TENM4: variants seen among roughly 807,000 people sequenced by gnomAD.
TENM4 encodes teneurin transmembrane protein 4, also known as teneurin-4.
In TENM4, 82 loss-of-function variants were observed where a neutral mutation model predicts 243.3. The observed-to-expected ratio is 0.34, with a 90% CI of 0.28 to 0.40. The LOEUF is 0.40. Ranked by LOEUF, TENM4 falls within the 10% of genes least tolerant of loss-of-function variation. The pLI is 1.00. For missense variants in TENM4, 3,138 were observed against 3,673.3 expected, an observed-to-expected ratio of 0.85 and a Z score of 3.77; for synonymous variants, 1,412 against 1,456.3, an observed-to-expected ratio of 0.97 and a Z score of 0.69.
At position 78,956,160 on chromosome 11, in the gene TENM4, G is replaced by T. The variant is rs141711345; in HGVS notation, c.494-52637C>A. 1.5e-3 allele frequency among the ~76,000 whole-genome samples: 234 copies of T among 151,954 alleles called. 1 individual carries two copies. Among genetic ancestry groups the T allele is most frequent in the African/African-American group, 5.3e-3 (220 of 41,442 alleles). On this transcript the variant is annotated intron_variant, in intron 6 of 33. Coordinates refer to ENST00000278550, the MANE Select transcript of TENM4 (RefSeq NM_001098816.3). ...AATCAGCACTTTTTTTTTCAATTTT[G>T]ATTTTAGCACATACACATACACAGG...
intron 3 of TENM4, among the ~76,000 whole-genome samples, chr11:79,176,299 C>T (rs1863157983): frequency 1.3e-5 from 2 of 152,122 alleles, no homozygotes; most frequent in South Asian, 4.1e-4. Context: ...GGTCCTTGGG[C>T]CATCTTCTAC....
At chr11:79,240,019 C>T (rs1363208132) in intron 2 of TENM4, among the ~76,000 whole-genome samples, 3 of 152,164 alleles carry the variant, frequency 2.0e-5, no homozygotes, top group South Asian at 2.1e-4. Flanking sequence ...GCAAGGTACT[C>T]GTCACAGAAA....
At chr11:79,223,750 C>T (rs1183683119) in intron 2 of TENM4, among the ~76,000 whole-genome samples, 1 of 152,158 alleles carries the variant, frequency 6.6e-6, no homozygotes, top group Non-Finnish European at 1.5e-5. Flanking sequence ...CCCTGTAGTG[C>T]TTATCCACTA....
chr11:79,261,927 T>C (rs1041129299), intron 2 of TENM4, among the ~76,000 whole-genome samples: 2 of 152,174 alleles, frequency 1.3e-5, no homozygotes. Flanking sequence ...ATATGCATGG[T>C]CCATGGGGAT....
chr11:78,972,855 C>T (rs978406095), intron 6 of TENM4, among the ~76,000 whole-genome samples: 1 of 152,178 alleles, frequency 6.6e-6, no homozygotes, highest in African/African-American at 2.4e-5. Flanking sequence ...TCCCTGCAGC[C>T]TAGGCAATCA....
At chr11:78,743,904 G>T (rs1388395745) in intron 19 of TENM4, among the ~76,000 whole-genome samples, 1 of 152,154 alleles carries the variant, frequency 6.6e-6, no homozygotes, top group Non-Finnish European at 1.5e-5. Context: ...TGGGATCTAG[G>T]TGGCAAATGA....
chr11:79,216,732 C>A (rs541523605), intron 2 of TENM4, among the ~76,000 whole-genome samples: 2 of 152,316 alleles, frequency 1.3e-5, no homozygotes, highest in East Asian at 3.9e-4. Context: ...CAGCAGGAGG[C>A]CTTTACCAGA....
intron 3 of TENM4, chr11:79,193,291 G>A (rs1231198463): frequency 6.6e-6 from 1 of 152,202 alleles, no homozygotes; most frequent in East Asian, 1.9e-4. Context: ...TAGTGAGGTG[G>A]GCAGGGCAGC....
intron 6 of TENM4, among the ~76,000 whole-genome samples, chr11:78,939,262 G>A (rs17137461): frequency 0.044 from 6,714 of 152,306 alleles, 169 homozygotes; most frequent in Middle Eastern, 0.085. Flanking sequence ...CAGAAGCCCA[G>A]AATGATCTTT....
At chr11:78,996,462 A>G (rs977934280) in intron 6 of TENM4, among the ~76,000 whole-genome samples, 1 of 152,212 alleles carries the variant, frequency 6.6e-6, no homozygotes, top group Non-Finnish European at 1.5e-5. Flanking sequence ...AAAGCCTCAT[A>G]AGAGACCCTG....
chr11:79,392,221 AC>A (rs1445344771), intron 1 of TENM4, among the ~76,000 whole-genome samples: 4 of 152,194 alleles, frequency 2.6e-5, no homozygotes, highest in African/African-American at 7.2e-5. Context: ...TCCCAAGATA[AC>A]CCTTTCCTTA....
At chr11:79,254,298 C>G (rs988055884) in intron 2 of TENM4, among the ~76,000 whole-genome samples, 9 of 152,096 alleles carry the variant, frequency 5.9e-5, no homozygotes, top group Admixed American at 5.9e-4. Context: ...ATGGCACATT[C>G]AACAATGGAA....
At chr11:79,267,454 T>C (rs1358424439) in intron 2 of TENM4, among the ~76,000 whole-genome samples, 2 of 152,210 alleles carry the variant, frequency 1.3e-5, no homozygotes, top group Non-Finnish European at 2.9e-5. Flanking sequence ...AAGATAAAGG[T>C]TGATGCTAGG....
chr11:79,389,934 A>G (rs2135538951), intron 1 of TENM4, among the ~76,000 whole-genome samples: 1 of 152,342 alleles, frequency 6.6e-6, no homozygotes, highest in East Asian at 1.9e-4. Flanking sequence ...CCTTTCCAGA[A>G]AACGTTTGCT....
intron 1 of TENM4, among the ~76,000 whole-genome samples, chr11:79,357,676 A>G (rs530967778): frequency 2.8e-4 from 42 of 152,366 alleles, no homozygotes; most frequent in African/African-American, 9.9e-4. Context: ...TATTGCCCAT[A>G]GTACAGCAGG....
intron 4 of TENM4, among the ~76,000 whole-genome samples, chr11:79,088,713 G>A (rs995388736): frequency 6.6e-6 from 1 of 152,170 alleles, no homozygotes; most frequent in African/African-American, 2.4e-5. Flanking sequence ...GATTTCTCCG[G>A]CCCATTCACA....
At chr11:78,828,274 G>A (rs1243378740) in intron 12 of TENM4, among the ~76,000 whole-genome samples, 2 of 152,050 alleles carry the variant, frequency 1.3e-5, no homozygotes, top group Admixed American at 1.3e-4. Context: ...GGCCTTTTAC[G>A]TTTAGCTAGA....
intron 4 of TENM4, among the ~76,000 whole-genome samples, chr11:79,131,007 A>C (rs1026246182): frequency 6.6e-6 from 1 of 152,130 alleles, no homozygotes; most frequent in Non-Finnish European, 1.5e-5. Flanking sequence ...AAATATGAAC[A>C]AAGTCTCCAA....
chr11:79,361,535 G>T (rs1001192795), intron 1 of TENM4, among the ~76,000 whole-genome samples: 4 of 152,122 alleles, frequency 2.6e-5, no homozygotes, highest in African/African-American at 7.2e-5. Context: ...GTCTCTGGGG[G>T]CTTCAGCACT....
Sources: gnomAD v4.1 joint callset for allele counts (sites outside exome capture counted in the v4.1 genomes callset) on GRCh38, gnomAD v4.1.1 for gene constraint, MANE v1.5 for transcripts, NCBI Gene and HGNC (gene_info 2026-07-23, HGNC 2026-07-21) for gene names.